PTGFR: variants seen among roughly 807,000 people sequenced by gnomAD.
The protein encoded by PTGFR is prostaglandin F2-alpha receptor.
A neutral mutation model predicts 26.2 loss-of-function variants in PTGFR; 15 were observed. The ratio of observed to expected loss-of-function variants is 0.57; its 90% confidence interval spans 0.38 to 0.88. The LOEUF is 0.88. Ranked by LOEUF, PTGFR falls within the 40% of genes least tolerant of loss-of-function variation. PTGFR has a pLI of 0.00. For synonymous variants in PTGFR, 165 were observed against 151.1 expected (o/e 1.09, Z -0.68); for missense variants, 369 against 427.2 (o/e 0.86, Z 1.20).
chr1:78,492,889 C>T lies in PTGFR; in HGVS notation c.146C>T (p.Ala49Val). 1 of 1,614,238 alleles carries T rather than the reference C, an allele frequency of 6.2e-7. No individual in the cohort carries two copies. Among genetic ancestry groups the T allele is most frequent in the Non-Finnish European group, 8.5e-7 (1 of 1,180,050 alleles). Residue 49 changes from alanine to valine, a missense_variant, in exon 2 of 3, where the codon GCC becomes GTC. Coordinates refer to ENST00000370757, the MANE Select transcript of PTGFR (RefSeq NM_000959.4). ...ATCTTGTCAAACAGCCTTGCCATCG[C>T]CATTCTCATGAAGGCATATCAGAGA... ...VGILSNSLAI[A>V]ILMKAYQRFR...
chr1:78,535,122 T>C (rs12724965), intron 2 of PTGFR, among the ~76,000 whole-genome samples: 1 of 152,272 alleles, frequency 6.6e-6, no homozygotes, highest in East Asian at 1.9e-4. Flanking sequence ...CCTTCCCACA[T>C]CTGGTGACCA....
chr1:78,492,943 T>G lies in PTGFR; in HGVS notation c.200T>G (p.Leu67Arg), dbSNP rs571722411. 1.1e-5 allele frequency: 17 copies of G among 1,614,148 alleles called. No individual in the cohort carries two copies. The Admixed American group carries it at 2.3e-4, about 22-fold the overall frequency. Reference sequence around the variant, plus strand: ...AGACAGAAGTCCAAGGCATCGTTTCTGCTTTTGGCCAGTGGCCTGGTAATC... The same window carrying G: ...AGACAGAAGTCCAAGGCATCGTTTCGGCTTTTGGCCAGTGGCCTGGTAATC... ...RFRQKSKASF[L>R]LLASGLVITD... The change falls in exon 2 of 3, where the codon CTG (leucine) becomes CGG (arginine). Residue 67 changes from leucine (L) to arginine (R), a missense_variant. Coordinates refer to ENST00000370757, the MANE Select transcript of PTGFR (RefSeq NM_000959.4).
At chr1:78,501,215 T>A (rs918082937) in intron 2 of PTGFR, among the ~76,000 whole-genome samples, 1 of 152,186 alleles carries the variant, frequency 6.6e-6, no homozygotes, top group African/African-American at 2.4e-5. Context: ...CAATTCAAGA[T>A]GTTGATGTGT....
At chr1:78,519,806 A>G (rs979701882) in intron 2 of PTGFR, among the ~76,000 whole-genome samples, 5 of 152,152 alleles carry the variant, frequency 3.3e-5, no homozygotes, top group South Asian at 2.1e-4. Context: ...TCCTGAGTTC[A>G]TATACATTGC....
intron 2 of PTGFR, among the ~76,000 whole-genome samples, chr1:78,501,090 C>T (rs1649693537): frequency 6.6e-6 from 1 of 151,878 alleles, no homozygotes; most frequent in South Asian, 2.1e-4. Flanking sequence ...ACTTGAATGA[C>T]TTAAGTGTAA....
chr1:78,496,102 A>G (rs1649541600), intron 2 of PTGFR, among the ~76,000 whole-genome samples: 2 of 152,118 alleles, frequency 1.3e-5, no homozygotes, highest in African/African-American at 4.8e-5. Flanking sequence ...CTTCATGAAA[A>G]TTTCTGACTG....
chr1:78,500,025 T>C (rs1486920836), intron 2 of PTGFR, among the ~76,000 whole-genome samples: 1 of 152,190 alleles, frequency 6.6e-6, no homozygotes, highest in Non-Finnish European at 1.5e-5. Context: ...TTAACACTGA[T>C]GTTTTCTCTA....
At chr1:78,514,290 C>A (rs1250472294) in intron 2 of PTGFR, among the ~76,000 whole-genome samples, 1 of 152,142 alleles carries the variant, frequency 6.6e-6, no homozygotes, top group African/African-American at 2.4e-5. Flanking sequence ...GGTGGATCTT[C>A]CCCCTTGGGA....
At chr1:78,525,921 TTTTG>T (rs1650360346) in intron 2 of PTGFR, among the ~76,000 whole-genome samples, 1 of 152,112 alleles carries the variant, frequency 6.6e-6, no homozygotes, top group African/African-American at 2.4e-5. Context: ...TAGCAGAATA[TTTTG>T]TTTGTTTTAA....
intron 2 of PTGFR, among the ~76,000 whole-genome samples, chr1:78,512,807 C>T (rs1650004644): frequency 6.6e-6 from 1 of 152,198 alleles, no homozygotes; most frequent in African/African-American, 2.4e-5. Flanking sequence ...TTAGCACCAA[C>T]TCCTTGGTAA....
intron 2 of PTGFR, among the ~76,000 whole-genome samples, chr1:78,501,781 T>C (rs2100357877): frequency 6.6e-6 from 1 of 152,308 alleles, no homozygotes; most frequent in African/African-American, 2.4e-5. Context: ...TTCTTAGCTA[T>C]GACCTTAGAG....
intron 2 of PTGFR, among the ~76,000 whole-genome samples, chr1:78,503,577 T>C (rs1649759482): frequency 6.6e-6 from 1 of 152,182 alleles, no homozygotes; most frequent in Non-Finnish European, 1.5e-5. Flanking sequence ...GACAGAGACA[T>C]GACCTGGGAA....
chr1:78,504,846 T>C (rs1230091765), intron 2 of PTGFR, among the ~76,000 whole-genome samples: 1 of 152,178 alleles, frequency 6.6e-6, no homozygotes, highest in African/African-American at 2.4e-5. Context: ...ACCTTTATTA[T>C]ATATAACATT....
intron 1 of PTGFR, 79 bp from the exon 2 acceptor site, chr1:78,492,593 G>A (rs1557645299): frequency 4.1e-6 from 3 of 726,052 alleles, no homozygotes; most frequent in Non-Finnish European, 2.2e-6. Flanking sequence ...TCCCACCACC[G>A]GGTGCTGGGG....
At chr1:78,508,134 T>G (rs1374682325) in intron 2 of PTGFR, among the ~76,000 whole-genome samples, 1 of 152,170 alleles carries the variant, frequency 6.6e-6, no homozygotes, top group Non-Finnish European at 1.5e-5. Context: ...TGTTCTATTT[T>G]CTTTTTTTCT....
At chr1:78,522,349 G>T (rs1388500535) in intron 2 of PTGFR, among the ~76,000 whole-genome samples, 1 of 151,960 alleles carries the variant, frequency 6.6e-6, no homozygotes, top group Non-Finnish European at 1.5e-5. Context: ...CTATCTTAAG[G>T]TCGGCCATGC....
chr1:78,525,860 A>C (rs1326260470), intron 2 of PTGFR, among the ~76,000 whole-genome samples: 1 of 152,118 alleles, frequency 6.6e-6, no homozygotes, highest in Non-Finnish European at 1.5e-5. Flanking sequence ...TCCAGGAACC[A>C]GGGACAATGA....
intron 2 of PTGFR, among the ~76,000 whole-genome samples, chr1:78,534,573 A>G (rs919270762): frequency 6.6e-5 from 10 of 152,224 alleles, no homozygotes; most frequent in Admixed American, 5.2e-4. Context: ...CTAAAAAATT[A>G]GTGAATTTGA....
Position 78,493,260 on chromosome 1 carries a change from G to T in PTGFR, c.517G>T (p.Gly173Ter). The T allele has an allele frequency of 6.2e-7, 1 of 1,614,022 alleles. No individual in the cohort carries two copies. The highest frequency in any genetic ancestry group is 8.5e-7 in the Non-Finnish European group (1 of 1,179,982). ...AVFIALLPIL[G>*]HRDYKIQASR... Reference sequence around the variant, plus strand: ...TTTCATAGCTTTGCTGCCCATCCTTGGACATCGAGACTATAAAATTCAGGC... The same window carrying T: ...TTTCATAGCTTTGCTGCCCATCCTTTGACATCGAGACTATAAAATTCAGGC... Residue 173 changes from glycine (G) to a stop codon, truncating the protein, a stop_gained, in exon 2 of 3, where the codon GGA becomes TGA. Transcript: ENST00000370757. LOFTEE classifies it high-confidence loss of function.
Sources: allele counts gnomAD v4.1 joint callset (sites outside exome capture counted in the v4.1 genomes callset), GRCh38; gene constraint gnomAD v4.1.1; transcripts MANE v1.5; gene names NCBI Gene and HGNC (gene_info 2026-07-23, HGNC 2026-07-21).